The following WDR93 variants were observed in gnomAD, a reference collection of about 807,000 sequenced individuals.
WDR93 encodes the protein WD repeat domain 93, also known as WD repeat-containing protein 93.
In WDR93, 73 loss-of-function variants were observed where a neutral mutation model predicts 82.9. That is an observed-to-expected ratio of 0.88 (90% CI 0.73 to 1.07). The LOEUF (loss-of-function observed/expected upper bound fraction) is 1.07, where lower values mean the gene tolerates loss of function less well. Among genes scored for constraint, WDR93 ranks in the 50% least tolerant of loss-of-function variants. The pLI is 0.00. For missense variants in WDR93, 738 were observed against 826.0 expected (o/e 0.89, Z 1.31); for synonymous variants, 283 against 300.1 (o/e 0.94, Z 0.59).
chr15:89,732,045 G>A (rs891804149), intron 12 of WDR93, among the ~76,000 whole-genome samples: 1 of 152,182 alleles, frequency 6.6e-6, no homozygotes, highest in African/African-American at 2.4e-5. Flanking sequence ...TATTCTGGGT[G>A]GGTGGCACTG....
chr15:89,709,827 T>C (rs991447905), intron 4 of WDR93, among the ~76,000 whole-genome samples: 2 of 151,682 alleles, frequency 1.3e-5, no homozygotes, highest in African/African-American at 4.8e-5. Flanking sequence ...CAAAAAGATT[T>C]GTACAAGATG....
intron 4 of WDR93, among the ~76,000 whole-genome samples, chr15:89,708,698 T>C (rs8029095): frequency 0.43 from 65,538 of 152,064 alleles, 14,502 homozygotes; most frequent in African/African-American, 0.47. Flanking sequence ...CCCAGTGTAG[T>C]AGATGGAGTT....
chr15:89,721,130 C>T (rs1294076150), intron 7 of WDR93: 1 of 152,170 alleles, frequency 6.6e-6, no homozygotes, highest in Non-Finnish European at 1.5e-5. Context: ...AATATGGCCA[C>T]CCAAGCTTTC....
In WDR93 at chr15:89,729,742, C is replaced by T. The variant is rs371759029; in HGVS notation, c.1183C>T (p.Leu395=). 1 of 1,613,576 alleles carries T rather than the reference C, an allele frequency of 6.2e-7. No individual in the cohort carries two copies. Among genetic ancestry groups the T allele is most frequent in the African/African-American group, 1.3e-5 (1 of 74,888 alleles). ...AAGTCACAATTTCTTCCTGTATTCACTAAACCGAACTCTAAAGGATAAAGC... is the reference window on the plus strand; with the variant it reads ...AAGTCACAATTTCTTCCTGTATTCATTAAACCGAACTCTAAAGGATAAAGC... ...TRSHNFFLYS[L]NRTLKDKADP... The change falls in exon 11 of 17, where the codon CTA becomes TTA. Residue 395 remains leucine (L), a synonymous_variant. Coordinates refer to ENST00000268130, the MANE Select transcript of WDR93 (RefSeq NM_020212.2).
At chr15:89,710,569 C>T (rs1008162006) in intron 4 of WDR93, among the ~76,000 whole-genome samples, 3 of 151,790 alleles carry the variant, frequency 2.0e-5, no homozygotes, top group Non-Finnish European at 4.4e-5. Flanking sequence ...GTGCCTTTAC[C>T]TATATTTAAA....
At chr15:89,729,888 A>C in intron 11 of WDR93, 119 bp downstream of exon 11, 1 of 827,634 alleles carries the variant, frequency 1.2e-6, no homozygotes, top group Non-Finnish European at 2.0e-6. Context: ...GACCAGATCT[A>C]GGCAGGCAGT....
At chr15:89,710,399 G>A (rs1173989520) in intron 4 of WDR93, among the ~76,000 whole-genome samples, 2 of 152,126 alleles carry the variant, frequency 1.3e-5, no homozygotes, top group Non-Finnish European at 2.9e-5. Flanking sequence ...CTGTGTTAGC[G>A]ATGGAAAGCA....
In WDR93 at chr15:89,735,555, T is replaced by C; in HGVS notation, c.1608+2T>C. 1 of 1,613,790 alleles carries C rather than the reference T, an allele frequency of 6.2e-7. No homozygotes were observed. Among genetic ancestry groups the C allele is most frequent in the Middle Eastern group, 1.6e-4 (1 of 6,062 alleles). Reference sequence around the variant, plus strand: ...CCAGTCCCAGCCTTACCTGGCATGGTAGGTTCCCCATGCCTCTCTGTAAAT... The same window carrying C: ...CCAGTCCCAGCCTTACCTGGCATGGCAGGTTCCCCATGCCTCTCTGTAAAT... On this transcript the variant is annotated splice_donor_variant, in intron 14 of 16. Transcript: ENST00000268130. LOFTEE classifies it high-confidence loss of function.
At chr15:89,699,441 C>T (rs1360677712) in intron 1 of WDR93, among the ~76,000 whole-genome samples, 1 of 151,894 alleles carries the variant, frequency 6.6e-6, no homozygotes, top group East Asian at 1.9e-4. Context: ...TGGCTGCTTT[C>T]AAATTTTCTC....
At chr15:89,728,339 T>C (rs568790947) in intron 9 of WDR93, among the ~76,000 whole-genome samples, 1 of 152,352 alleles carries the variant, frequency 6.6e-6, no homozygotes, top group Admixed American at 6.5e-5. Flanking sequence ...TCATAGCTAC[T>C]GTGGATCTCA....
chr15:89,726,150 C>A (rs1475776516), intron 8 of WDR93, among the ~76,000 whole-genome samples: 1 of 152,096 alleles, frequency 6.6e-6, no homozygotes, highest in African/African-American at 2.4e-5. Flanking sequence ...TCATTAAAAC[C>A]CAGATTGTTT....
At chr15:89,704,820 G>A (rs1965653898) in intron 3 of WDR93, 1 of 152,310 alleles carries the variant, frequency 6.6e-6, no homozygotes, top group East Asian at 1.9e-4. Flanking sequence ...TGAATATGAT[G>A]AATCTGAAGG....
intron 13 of WDR93, 114 bp downstream of exon 13, chr15:89,733,333 C>A: frequency 1.0e-6 from 1 of 976,558 alleles, no homozygotes; most frequent in Non-Finnish European, 1.5e-6. Context: ...GTATAGTCAT[C>A]ACTCTCCTGG....
intron 16 of WDR93, among the ~76,000 whole-genome samples, chr15:89,739,224 T>A (rs932239520): frequency 7.2e-5 from 11 of 152,024 alleles, no homozygotes; most frequent in Non-Finnish European, 1.5e-5. Context: ...GTTTTGTAAA[T>A]AAGGTTTTAT....
At chr15:89,740,777 C>T (rs1827411456) in intron 16 of WDR93, among the ~76,000 whole-genome samples, 1 of 152,058 alleles carries the variant, frequency 6.6e-6, no homozygotes, top group Admixed American at 6.6e-5. Context: ...GGTGGGATTA[C>T]AGACATGAGC....
chr15:89,734,986 C>CTACT (rs1555434582), intron 13 of WDR93, among the ~76,000 whole-genome samples: 1 of 149,784 alleles, frequency 6.7e-6, no homozygotes, highest in African/African-American at 2.5e-5. Context: ...CCCTCCGTCC[C>CTACT]TCCTTCCTTC....
chr15:89,690,815 C>T lies in WDR93; in HGVS notation c.-83C>T. 1 of 558,584 alleles carries T rather than the reference C, an allele frequency of 1.8e-6. No homozygotes were observed. The highest frequency in any genetic ancestry group is 3.2e-6 in the Non-Finnish European group (1 of 313,794). The allele number at this position is 558,584 out of a possible 1,614,324, so 34.6% of individuals were successfully genotyped here. On this transcript the variant is annotated 5_prime_UTR_variant, in exon 1 of 17. Coordinates refer to ENST00000268130, the MANE Select transcript of WDR93 (RefSeq NM_020212.2). ...AACTTCGCGGACTTCCGGTTCAAGC[C>T]GGAAGTTGTGGTTACCAAGGCGACG...
chr15:89,701,629 T>C, intron 1 of WDR93, 78 bp from the exon 2 acceptor site: 1 of 1,249,926 alleles, frequency 8.0e-7, no homozygotes, highest in Non-Finnish European at 1.1e-6. Flanking sequence ...TATAGGCTAT[T>C]GTGCTAGAAA....
Position 89,701,928 on chromosome 15 carries a change from A to C in WDR93, c.182A>C (p.Asn61Thr). Residue 61 changes from asparagine to threonine, a missense_variant, in exon 2 of 17, where the codon AAC (asparagine) becomes ACC (threonine). By Grantham distance (65) the Asn-to-Thr change is moderately conservative. Coordinates refer to ENST00000268130, the MANE Select transcript of WDR93 (RefSeq NM_020212.2). ...DSLPQPYRMI[N>T]KLVNLLFDQS... ...TTGCCTCAGCCTTATCGAATGATCAACAAGCTGGTGAACCTTCTGTTTGAC... is the reference window on the plus strand; with the variant it reads ...TTGCCTCAGCCTTATCGAATGATCACCAAGCTGGTGAACCTTCTGTTTGAC... 1 of 1,614,168 alleles carries C rather than the reference A, an allele frequency of 6.2e-7. No homozygotes were observed. The highest frequency in any genetic ancestry group is 8.5e-7 in the Non-Finnish European group (1 of 1,180,026).
Sources: allele counts gnomAD v4.1 joint callset (sites outside exome capture counted in the v4.1 genomes callset), GRCh38; gene constraint gnomAD v4.1.1; transcripts MANE v1.5; gene names NCBI Gene and HGNC (gene_info 2026-07-23, HGNC 2026-07-21).